The following EFTUD2 variants were observed in gnomAD, a reference collection of about 807,000 sequenced individuals.
EFTUD2 encodes 116 kDa U5 small nuclear ribonucleoprotein component.
A neutral mutation model predicts 114.3 loss-of-function variants in EFTUD2; 9 were observed. The observed-to-expected ratio is 0.08, with a 90% CI of 0.05 to 0.14. The LOEUF is 0.14. Ranked by LOEUF, EFTUD2 falls within the 10% of genes least tolerant of loss-of-function variation. The pLI is 1.00. For synonymous variants in EFTUD2, 449 were observed against 462.3 expected (o/e 0.97, Z 0.37); for missense variants, 765 against 1,241.2 (o/e 0.62, Z 5.76).
chr17:44,860,449 G>T lies in EFTUD2; in HGVS notation c.1702C>A (p.Pro568Thr). The T allele has an allele frequency of 6.2e-7, 1 of 1,613,914 alleles. No individual in the cohort carries two copies. Among genetic ancestry groups the T allele is most frequent in the Non-Finnish European group, 8.5e-7 (1 of 1,179,838 alleles). Residue 568 changes from proline (P) to threonine (T), a missense_variant, in exon 17 of 28, where the codon CCC (proline) becomes ACC (threonine). Around this residue, in one of 6 missense-constraint regions of EFTUD2, gnomAD observed 149 missense variants for 245.1 expected, o/e 0.61. Coordinates refer to ENST00000426333, the MANE Select transcript of EFTUD2 (RefSeq NM_004247.4). ...PIVKTATITE[P>T]RGNEEAQIFR... ...AACTCTACCTCCTCATTGCCTCGGG[G>T]TTCGGTTATGGTTGCTGTCTTCACA...
chr17:44,899,050 G>C (rs758801339), intron 1 of EFTUD2: 1 of 152,312 alleles, frequency 6.6e-6, no homozygotes, highest in Non-Finnish European at 1.5e-5. Flanking sequence ...GGCTGAAAGC[G>C]GCACGGATAG....
rs770400169 is a variant in EFTUD2, at chr17:44,863,795, AAG to A, written c.1286-15_1286-14del. 6.2e-7 allele frequency: 1 copy of A among 1,613,364 alleles called. No individual in the cohort carries two copies. Among genetic ancestry groups the A allele is most frequent in the South Asian group, 1.1e-5 (1 of 90,944 alleles). On this transcript the variant is annotated splice_polypyrimidine_tract_variant and intron_variant, in intron 14 of 27. Coordinates refer to ENST00000426333, the MANE Select transcript of EFTUD2 (RefSeq NM_004247.4). ...ATGTCCACAAAGCCTGTGGATGGAG[AAG>A]AGAAAGCCATTAATACATGCCTTCC...
chr17:44,895,359 G>A (rs975465333), intron 1 of EFTUD2, among the ~76,000 whole-genome samples: 10 of 152,110 alleles, frequency 6.6e-5, no homozygotes, highest in Admixed American at 3.3e-4. Flanking sequence ...AGCTGGGTAC[G>A]GTGGCTCACA....
rs2050489077 is a variant in EFTUD2 at position 44,853,278 on chromosome 17, AC to A, written c.2561+17del. Reference sequence around the variant, plus strand: ...TCTTGCTCTCAGCACTCTCCCTAATACGCCTGGGGCCGCTCACCTGCGCCTG... The same window carrying A: ...TCTTGCTCTCAGCACTCTCCCTAATAGCCTGGGGCCGCTCACCTGCGCCTG... On this transcript the variant is annotated intron_variant, in intron 25 of 27. Coordinates refer to ENST00000426333, the MANE Select transcript of EFTUD2 (RefSeq NM_004247.4). The A allele has an allele frequency of 6.2e-7, 1 of 1,612,374 alleles. No individual in the cohort carries two copies.
intron 2 of EFTUD2, among the ~76,000 whole-genome samples, chr17:44,893,375 C>T (rs1171324813): frequency 1.3e-5 from 2 of 152,180 alleles, no homozygotes; most frequent in African/African-American, 4.8e-5. Context: ...ACCACCTTGG[C>T]CTCCCAAGGT....
chr17:44,884,862 G>C (rs1325580942), intron 4 of EFTUD2, among the ~76,000 whole-genome samples: 1 of 152,176 alleles, frequency 6.6e-6, no homozygotes, highest in Non-Finnish European at 1.5e-5. Context: ...ACTACAGCCT[G>C]AGCAACAAAA....
chr17:44,899,389 AGTTCC>A lies in EFTUD2; in HGVS notation c.-30_-26del, dbSNP rs2051470577. 1 of 152,266 alleles carries A rather than the reference AGTTCC, an allele frequency of 6.6e-6. No individual in the cohort carries two copies. The highest frequency in any genetic ancestry group is 2.4e-5 in the African/African-American group (1 of 41,450). 9.4% of individuals were successfully genotyped at this position (152,266 alleles called of 1,614,324 possible). A position where few individuals can be genotyped will look rare whatever the true frequency, so the allele number is the denominator to read the frequency against. On this transcript the variant is annotated 5_prime_UTR_variant, in exon 1 of 28. Transcript: ENST00000426333. ...CTTACCTCTCGCCTGCTCAGCTAAG[AGTTCC>A]CAGGCCGCTGCCGGAGATCGTGCTT...
intron 11 of EFTUD2, among the ~76,000 whole-genome samples, chr17:44,871,174 C>T (rs73309177): frequency 6.6e-6 from 1 of 151,868 alleles, no homozygotes; most frequent in African/African-American, 2.4e-5. Flanking sequence ...AGGCCAGTGC[C>T]ATCATGCCCA....
chr17:44,859,044 G>T, intron 19 of EFTUD2, 36 bp downstream of exon 19: 1 of 1,397,174 alleles, frequency 7.2e-7, no homozygotes, highest in South Asian at 1.2e-5. Context: ...GAAAAGTCTG[G>T]ACCGTGAACC....
chr17:44,858,402 A>G (rs1567732127), intron 19 of EFTUD2, among the ~76,000 whole-genome samples: 1 of 151,710 alleles, frequency 6.6e-6, no homozygotes, highest in African/African-American at 2.4e-5. Context: ...CACCTGACTA[A>G]TTTTTATTTT....
chr17:44,881,365 A>T (rs1343229712), intron 7 of EFTUD2, among the ~76,000 whole-genome samples: 3 of 152,234 alleles, frequency 2.0e-5, no homozygotes, highest in African/African-American at 4.8e-5. Context: ...ATGTCATTTT[A>T]AAAAAATCAT....
Position 44,860,533 on chromosome 17 carries a change from C to T in EFTUD2, c.1618G>A (p.Glu540Lys), listed in dbSNP as rs1225101910. Residue 540 changes from glutamate to lysine, a missense_variant, in exon 17 of 28, where the codon GAG becomes AAG. Glu to Lys is a moderately conservative substitution (Grantham distance 56). Coordinates refer to ENST00000426333, the MANE Select transcript of EFTUD2 (RefSeq NM_004247.4). ...TTGCCAGCAGGAACACGGTTCACCT[C>T]GATGTGGTACCTGAAGCAATGTCCA... ...LWISVARYHI[E>K]VNRVPAGNWV... 4 of 1,611,124 alleles carry T rather than the reference C, an allele frequency of 2.5e-6. No homozygotes were observed. The highest frequency in any genetic ancestry group is 2.5e-6 in the Non-Finnish European group (3 of 1,177,714).
rs773924921 is a variant in EFTUD2, at chr17:44,886,709, G to C, written c.147C>G (p.Asp49Glu). ...DDDDDDVGDHDDDHPGMEVVL... is the reference protein window; with the variant it reads ...DDDDDDVGDHEDDHPGMEVVL... ...CCACCTCCATCCCAGGGTGGTCATC[G>C]TCATGATCTCCTACGTCATCGTCGT... Residue 49 changes from aspartate to glutamate, a missense_variant, in exon 3 of 28, where the codon GAC becomes GAG. Asp to Glu is a conservative substitution (Grantham distance 45). Transcript: ENST00000426333. The C allele has an allele frequency of 1.9e-6, 3 of 1,613,992 alleles. No homozygotes were observed. The highest frequency in any genetic ancestry group is 2.7e-5 in the African/African-American group (2 of 74,898).
In EFTUD2 at chr17:44,849,965, T is replaced by C. The variant is rs1004003827; in HGVS notation, c.*1309A>G. 9.2e-6 allele frequency: 2 copies of C among 217,358 alleles called. No homozygotes were observed. Among genetic ancestry groups the C allele is most frequent in the Non-Finnish European group, 1.9e-5 (2 of 106,212 alleles). 13.5% of individuals were successfully genotyped at this position (217,358 alleles called of 1,614,324 possible). A position where few individuals can be genotyped will look rare whatever the true frequency, so the allele number is the denominator to read the frequency against. On this transcript the variant is annotated 3_prime_UTR_variant, in exon 28 of 28. Transcript: ENST00000426333. Reference sequence around the variant, plus strand: ...AACAGATGTTGAATTTCTCTTCCTCTTGAGATTAAAAAGCAGACAGCCACT... The same window carrying C: ...AACAGATGTTGAATTTCTCTTCCTCCTGAGATTAAAAAGCAGACAGCCACT...
chr17:44,880,717 G>C, intron 7 of EFTUD2, 73 bp from the exon 8 acceptor site: 1 of 1,204,908 alleles, frequency 8.3e-7, no homozygotes. Context: ...GGGCTCCCCA[G>C]TTGCTAGTAA....
At chr17:44,853,784 T>C in intron 23 of EFTUD2, 149 bp from the exon 24 acceptor site, 3 of 1,470,556 alleles carry the variant, frequency 2.0e-6, no homozygotes, top group Non-Finnish European at 2.7e-6. Context: ...GCGTTCTAAC[T>C]GAATAAGCAA....
In EFTUD2 at chr17:44,859,772, C is replaced by T. The variant is rs7208982; in HGVS notation, c.1860+133G>A. 2,878 of 1,429,438 alleles carry T rather than the reference C, an allele frequency of 2.0e-3. 55 individuals are homozygous for T. In the African/African-American group the frequency reaches 0.035, roughly 18 times the overall value. The allele number at this position is 1,429,438 out of a possible 1,614,324, so 88.5% of individuals were successfully genotyped here. The stretch of plus-strand genomic sequence containing the variant: ...CCTGCCTTGACATGACAGCCATAGG[C>T]TGGGCTTGCTCCTGACACAGCTTCC... On this transcript the variant is annotated intron_variant, in intron 18 of 27. Transcript: ENST00000426333.
intron 10 of EFTUD2, 92 bp downstream of exon 10, chr17:44,875,842 C>A: frequency 6.6e-7 from 1 of 1,506,270 alleles, no homozygotes. Context: ...TCAACACACG[C>A]TTAGAAATAA....
intron 1 of EFTUD2, among the ~76,000 whole-genome samples, chr17:44,897,266 C>T (rs1055724827): frequency 1.1e-4 from 16 of 148,476 alleles, no homozygotes; most frequent in African/African-American, 4.0e-4. Flanking sequence ...GCTCAATAAA[C>T]GTTAGCTAGC....
Sources: allele counts gnomAD v4.1 joint callset (sites outside exome capture counted in the v4.1 genomes callset), GRCh38; gene constraint gnomAD v4.1.1; regional missense constraint gnomAD v4.1.1; transcripts MANE v1.5; gene names NCBI Gene and HGNC (gene_info 2026-07-23, HGNC 2026-07-21).